PCDHA2: variants seen among roughly 807,000 people sequenced by gnomAD.
PCDHA2 encodes protocadherin alpha 2.
Under a neutral mutation model 66.0 loss-of-function variants are expected in PCDHA2, and 58 were observed. The ratio of observed to expected loss-of-function variants is 0.88; its 90% CI spans 0.71 to 1.09. The LOEUF is 1.09. PCDHA2 is among the 50% of genes least tolerant of loss of function. The probability of loss-of-function intolerance (pLI) is 0.00; values close to 1 mark genes in which losing one functional copy is unlikely to be tolerated. For synonymous variants in PCDHA2, 634 were observed against 554.0 expected (o/e 1.14, Z -2.03); for missense variants, 1,267 against 1,242.3 (o/e 1.02, Z -0.30).
At chr5:140,975,671 T>C (rs923429904) in intron 1 of PCDHA2, among the ~76,000 whole-genome samples, 2 of 152,248 alleles carry the variant, frequency 1.3e-5, no homozygotes, top group Admixed American at 6.5e-5. Context: ...TGTGAGTTTA[T>C]TAATAAAATA....
intron 1 of PCDHA2, among the ~76,000 whole-genome samples, chr5:140,895,297 T>TC (rs1269688627): frequency 1.3e-5 from 2 of 152,118 alleles, no homozygotes; most frequent in African/African-American, 2.4e-5. Context: ...ACCTTCGATT[T>TC]CCCCCCTTCC....
chr5:140,967,043 G>T (rs1477679213), intron 1 of PCDHA2: 2 of 1,611,990 alleles, frequency 1.2e-6, no homozygotes, highest in African/African-American at 2.7e-5. Context: ...CCTGGAGCTG[G>T]ACCTGACGAG....
chr5:141,000,379 CTCTCTCTCTCTCTCTCTA>C (rs1224441934), intron 3 of PCDHA2, among the ~76,000 whole-genome samples: 4 of 60,364 alleles, frequency 6.6e-5, no homozygotes, highest in Non-Finnish European at 9.2e-5. Flanking sequence ...CTCTCTCTCT[CTCTCTCTCTCTCTCTCTA>C]TATATATATA....
intron 1 of PCDHA2, chr5:140,877,867 T>C: frequency 2.7e-6 from 4 of 1,490,888 alleles, no homozygotes; most frequent in Non-Finnish European, 3.6e-6. Context: ...TTTAGATATA[T>C]TTGTTTCCTT....
At chr5:140,840,559 A>G (rs1776766288) in intron 1 of PCDHA2, among the ~76,000 whole-genome samples, 1 of 152,098 alleles carries the variant, frequency 6.6e-6, no homozygotes, top group Non-Finnish European at 1.5e-5. Flanking sequence ...CAATACTGCT[A>G]GAGTTTGGCA....
At chr5:140,838,905 AC>A (rs1331540825) in intron 1 of PCDHA2, among the ~76,000 whole-genome samples, 1 of 151,998 alleles carries the variant, frequency 6.6e-6, no homozygotes, top group African/African-American at 2.4e-5. Context: ...ACAGAGCAAT[AC>A]CTTGCCTCAA....
chr5:141,003,638 G>C (rs2098132492), intron 3 of PCDHA2, among the ~76,000 whole-genome samples: 1 of 152,118 alleles, frequency 6.6e-6, no homozygotes, highest in Admixed American at 6.6e-5. Flanking sequence ...TAAAGTAGAA[G>C]TGAAGATCTG....
At chr5:141,008,382 A>G (rs1458485740) in intron 3 of PCDHA2, among the ~76,000 whole-genome samples, 1 of 152,166 alleles carries the variant, frequency 6.6e-6, no homozygotes, top group African/African-American at 2.4e-5. Flanking sequence ...ATACATAAAC[A>G]TTGCTATGAT....
At chr5:140,869,204 C>T in intron 1 of PCDHA2, 1 of 1,613,960 alleles carries the variant, frequency 6.2e-7, no homozygotes, top group Non-Finnish European at 8.5e-7. Context: ...CTCCACTACT[C>T]CGTCTCGGAG....
At chr5:140,967,785 G>A (rs1554229943) in intron 1 of PCDHA2, 6 of 1,614,176 alleles carry the variant, frequency 3.7e-6, no homozygotes, top group Admixed American at 3.3e-5. Context: ...GCGACTGACC[G>A]GGGTCCAGTG....
At position 140,848,735 on chromosome 5, in the gene PCDHA2, G is replaced by A. The variant is rs141612292; in HGVS notation, c.2388+51383G>A. On this transcript the variant is annotated intron_variant, in intron 1 of 3. Transcript: ENST00000526136. ...GGGACCTTCTGGAGGTAAATCTGCA[G>A]AATGGCATTTTGTTTGTGAATTCTC... 5.7e-6 allele frequency: 9 copies of A among 1,592,880 alleles called. No homozygotes were observed. In the African/African-American group the frequency reaches 1.1e-4, roughly 19 times the overall value.
intron 1 of PCDHA2, chr5:140,877,773 G>A (rs1554170103): frequency 2.5e-6 from 4 of 1,614,166 alleles, no homozygotes; most frequent in South Asian, 2.2e-5. Flanking sequence ...CGCCCAAGAC[G>A]GACCTCATGG....
At chr5:140,967,146 A>G (rs782158011) in intron 1 of PCDHA2, 2 of 1,610,972 alleles carry the variant, frequency 1.2e-6, no homozygotes, top group South Asian at 1.1e-5. Flanking sequence ...CTGGCGCACA[A>G]CCCCGTGGCG....
chr5:140,927,402 C>G, intron 1 of PCDHA2: 1 of 1,614,128 alleles, frequency 6.2e-7, no homozygotes, highest in Non-Finnish European at 8.5e-7. Context: ...AGCACTTTCG[C>G]CTGGACATGG....
chr5:140,836,602 T>C lies in PCDHA2; in HGVS notation c.2388+39250T>C, dbSNP rs2150265229. The C allele has an allele frequency of 3.1e-6, 5 of 1,613,586 alleles. No individual in the cohort carries two copies. The Admixed American group carries it at 5.0e-5, about 16-fold the overall frequency. On this transcript the variant is annotated intron_variant, in intron 1 of 3. Coordinates refer to ENST00000526136, the MANE Select transcript of PCDHA2 (RefSeq NM_018905.3). ...TGTAGTTTGGTAAAGCCCACTCTGGTGTGCTCCAGCGCGGTGGGGAGCTGG... is the reference window on the plus strand; with the variant it reads ...TGTAGTTTGGTAAAGCCCACTCTGGCGTGCTCCAGCGCGGTGGGGAGCTGG...
chr5:140,903,415 A>T (rs1303652958), intron 1 of PCDHA2, among the ~76,000 whole-genome samples: 1 of 152,238 alleles, frequency 6.6e-6, no homozygotes, highest in East Asian at 1.9e-4. Flanking sequence ...GTCAGGAAAA[A>T]TTCAGCACAA....
At chr5:140,882,369 C>T (rs1554173809) in intron 1 of PCDHA2, 1 of 1,614,222 alleles carries the variant, frequency 6.2e-7, no homozygotes, top group South Asian at 1.1e-5. Context: ...CTCCACTACT[C>T]CGTCCCCGAG....
intron 1 of PCDHA2, chr5:140,856,950 T>C: frequency 6.3e-7 from 1 of 1,593,338 alleles, no homozygotes; most frequent in Non-Finnish European, 8.6e-7. Flanking sequence ...ACGGGAGAAA[T>C]AAAAGTAAAT....
At chr5:140,976,992 A>G (rs1421149242) in intron 1 of PCDHA2, among the ~76,000 whole-genome samples, 3 of 152,200 alleles carry the variant, frequency 2.0e-5, no homozygotes, top group Admixed American at 2.0e-4. Context: ...TTACTGCCAT[A>G]AGAAATCTTG....
Sources: gnomAD v4.1 joint callset for allele counts (sites outside exome capture counted in the v4.1 genomes callset) on GRCh38, gnomAD v4.1.1 for gene constraint, MANE v1.5 for transcripts, NCBI Gene and HGNC (gene_info 2026-07-23, HGNC 2026-07-21) for gene names.